Variants in LRRTM4 observed in about 807,000 individuals in gnomAD.
LRRTM4 encodes the protein leucine-rich repeat transmembrane neuronal protein 4.
In LRRTM4, 25 loss-of-function variants were observed where a neutral mutation model predicts 47.6. The ratio of observed to expected loss-of-function variants is 0.53; its 90% confidence interval spans 0.38 to 0.73. LRRTM4 has a LOEUF of 0.73. Among genes scored for constraint, LRRTM4 ranks in the 30% least tolerant of loss-of-function variants. The pLI is 0.00. For missense variants in LRRTM4, 638 were observed against 713.4 expected, an observed-to-expected ratio of 0.89 and a Z score of 1.20; for synonymous variants, 311 against 269.5, an observed-to-expected ratio of 1.15 and a Z score of -1.51.
chr2:76,900,733 G>A (rs1006886578), intron 3 of LRRTM4, among the ~76,000 whole-genome samples: 2 of 152,106 alleles, frequency 1.3e-5, no homozygotes, highest in African/African-American at 2.4e-5. Context: ...AGTTAAAAAG[G>A]TGGCATATCT....
chr2:77,142,766 A>G lies in LRRTM4; in HGVS notation c.1551+375552T>C, dbSNP rs545234835. 2.6e-5 allele frequency among the ~76,000 whole-genome samples: 4 copies of G among 152,282 alleles called. No homozygotes were observed. In the South Asian group the frequency reaches 6.2e-4, roughly 24 times the overall value. ...CTAACATGTTTTCAAGACAGTGTCAAATATATTCTCCAATCTGATTCTCAT... is the reference window on the plus strand; with the variant it reads ...CTAACATGTTTTCAAGACAGTGTCAGATATATTCTCCAATCTGATTCTCAT... On this transcript the variant is annotated intron_variant, in intron 3 of 3. Transcript: ENST00000409884.
chr2:77,447,291 G>C (rs1298701294), intron 3 of LRRTM4, among the ~76,000 whole-genome samples: 1 of 151,518 alleles, frequency 6.6e-6, no homozygotes, highest in African/African-American at 2.4e-5. Flanking sequence ...GTGTGTGTGT[G>C]TATTGTAAGC....
intron 3 of LRRTM4, among the ~76,000 whole-genome samples, chr2:77,120,307 T>C (rs1463185936): frequency 6.6e-6 from 1 of 151,788 alleles, no homozygotes; most frequent in African/African-American, 2.4e-5. Context: ...GTTTCTCAAA[T>C]GACTTTGTAA....
At chr2:77,313,245 C>A (rs1005723496) in intron 3 of LRRTM4, among the ~76,000 whole-genome samples, 3 of 150,994 alleles carry the variant, frequency 2.0e-5, no homozygotes, top group Non-Finnish European at 4.4e-5. Flanking sequence ...CTGGGATGTG[C>A]CTCCCTACTT....
At chr2:77,424,518 GA>G (rs1186008368) in intron 3 of LRRTM4, among the ~76,000 whole-genome samples, 1 of 152,118 alleles carries the variant, frequency 6.6e-6, no homozygotes, top group Admixed American at 6.5e-5. Flanking sequence ...TTCTGCTATA[GA>G]ATAGTTTGAT....
intron 3 of LRRTM4, among the ~76,000 whole-genome samples, chr2:76,799,130 C>T (rs1264920307): frequency 6.9e-6 from 1 of 144,890 alleles, no homozygotes; most frequent in Non-Finnish European, 1.5e-5. Context: ...ATACCAAAGC[C>T]TGGCAGAGAC....
At chr2:77,030,248 C>T (rs1364971580) in intron 3 of LRRTM4, among the ~76,000 whole-genome samples, 1 of 152,050 alleles carries the variant, frequency 6.6e-6, no homozygotes, top group South Asian at 2.1e-4. Flanking sequence ...CTGGCTAACA[C>T]AGTGAAACCC....
intron 3 of LRRTM4, among the ~76,000 whole-genome samples, chr2:77,286,828 C>T (rs1397127312): frequency 6.6e-6 from 1 of 151,978 alleles, no homozygotes; most frequent in Non-Finnish European, 1.5e-5. Flanking sequence ...TTATGGGCTA[C>T]CTGAAGGAAA....
chr2:76,884,797 T>G (rs1673024674), intron 3 of LRRTM4, among the ~76,000 whole-genome samples: 1 of 151,942 alleles, frequency 6.6e-6, no homozygotes, highest in Non-Finnish European at 1.5e-5. Context: ...GTAAAAAAAG[T>G]AAACAGTGGA....
intron 3 of LRRTM4, among the ~76,000 whole-genome samples, chr2:76,807,412 A>G (rs1464036014): frequency 2.1e-4 from 16 of 77,676 alleles, no homozygotes; most frequent in Admixed American, 1.4e-3. Flanking sequence ...ATATACGTAT[A>G]TATATATATA....
chr2:76,841,887 G>A lies in LRRTM4; in HGVS notation c.1552-92971C>T, dbSNP rs78851406. 4.0e-3 allele frequency among the ~76,000 whole-genome samples: 613 copies of A among 152,240 alleles called. 3 individuals carry two copies. Among genetic ancestry groups the A allele is most frequent in the Non-Finnish European group, 6.3e-3 (426 of 68,020 alleles). On this transcript the variant is annotated intron_variant, in intron 3 of 3. Transcript: ENST00000409884. ...ATATCAAATCTGAAAAAACTAGAGA[G>A]GAAGATGTCAGTGAAGCTATGGGAC...
At chr2:77,509,473 C>A (rs1017274081) in intron 3 of LRRTM4, among the ~76,000 whole-genome samples, 12 of 151,946 alleles carry the variant, frequency 7.9e-5, no homozygotes, top group African/African-American at 4.8e-5. Flanking sequence ...AGCTCTGGTA[C>A]CCAAACTAAA....
intron 3 of LRRTM4, among the ~76,000 whole-genome samples, chr2:77,478,989 G>A (rs892798982): frequency 5.9e-5 from 9 of 152,022 alleles, no homozygotes; most frequent in African/African-American, 2.2e-4. Context: ...CCGCCTCCCG[G>A]GTTCAAGCAA....
chr2:76,781,165 A>T (rs1674364010), intron 3 of LRRTM4, among the ~76,000 whole-genome samples: 1 of 152,260 alleles, frequency 6.6e-6, no homozygotes, highest in South Asian at 2.1e-4. Context: ...AAGCTGTCAG[A>T]CAGGGACATT....
chr2:77,185,113 G>A (rs183804753), intron 3 of LRRTM4, among the ~76,000 whole-genome samples: 326 of 152,198 alleles, frequency 2.1e-3, no homozygotes, highest in African/African-American at 7.6e-3. Context: ...ATTTTCTACA[G>A]TGGGAAGAGA....
At chr2:77,389,647 A>C (rs1673422411) in intron 3 of LRRTM4, among the ~76,000 whole-genome samples, 1 of 152,112 alleles carries the variant, frequency 6.6e-6, no homozygotes, top group Admixed American at 6.6e-5. Context: ...ATAGTTCCCT[A>C]TATTAAAAAT....
chr2:77,428,055 T>G (rs1057364609), intron 3 of LRRTM4, among the ~76,000 whole-genome samples: 2 of 152,152 alleles, frequency 1.3e-5, no homozygotes, highest in Non-Finnish European at 2.9e-5. Flanking sequence ...TCTCACAAGA[T>G]CTGATGGTTT....
intron 3 of LRRTM4, among the ~76,000 whole-genome samples, chr2:77,430,091 A>C (rs1389438039): frequency 6.6e-6 from 1 of 152,132 alleles, no homozygotes; most frequent in Non-Finnish European, 1.5e-5. Flanking sequence ...TCTGTTTTAA[A>C]ACATGCTAAC....
intron 3 of LRRTM4, among the ~76,000 whole-genome samples, chr2:77,036,604 A>G (rs1356080656): frequency 6.6e-6 from 1 of 151,686 alleles, no homozygotes; most frequent in African/African-American, 2.4e-5. Context: ...GAACATGTCA[A>G]ATCTCTTAAA....
Sources: gnomAD v4.1 joint callset for allele counts (sites outside exome capture counted in the v4.1 genomes callset) on GRCh38, gnomAD v4.1.1 for gene constraint, MANE v1.5 for transcripts, NCBI Gene and HGNC (gene_info 2026-07-23, HGNC 2026-07-21) for gene names.